The following PPP1R14C variants were observed in gnomAD, a reference collection of about 807,000 sequenced individuals.
PPP1R14C encodes the protein protein phosphatase 1 regulatory subunit 14C.
PPP1R14C carries 16 observed loss-of-function variants against 20.4 expected under a neutral mutation model. That is an observed-to-expected ratio of 0.78 (90% CI 0.53 to 1.19). PPP1R14C has a LOEUF of 1.19. Ranked by LOEUF, PPP1R14C falls within the 50% of genes most tolerant of loss-of-function variation. The pLI, the probability that PPP1R14C is intolerant of heterozygous loss-of-function variation, is 0.00. For synonymous variants in PPP1R14C, 91 were observed against 91.0 expected (o/e 1.00, Z 0.00); for missense variants, 211 against 220.1 (o/e 0.96, Z 0.26).
intron 3 of PPP1R14C, among the ~76,000 whole-genome samples, chr6:150,234,715 G>C (rs1201582658): frequency 2.0e-5 from 3 of 151,912 alleles, no homozygotes; most frequent in East Asian, 1.9e-4. Context: ...TGGGCATGGT[G>C]GTGCACACCT....
At chr6:150,192,147 C>T (rs1455014827) in intron 1 of PPP1R14C, among the ~76,000 whole-genome samples, 1 of 152,146 alleles carries the variant, frequency 6.6e-6, no homozygotes, top group African/African-American at 2.4e-5. Flanking sequence ...TTGACTTTTC[C>T]CATTCATTCT....
chr6:150,233,241 A>G (rs1241259070), intron 3 of PPP1R14C, among the ~76,000 whole-genome samples: 1 of 152,196 alleles, frequency 6.6e-6, no homozygotes, highest in Non-Finnish European at 1.5e-5. Flanking sequence ...AAGGGGAGTG[A>G]GGAGGGGCGG....
Position 150,246,180 on chromosome 6 carries a change from G to A in PPP1R14C, c.424-2566G>A, listed in dbSNP as rs530498298. Among the ~76,000 whole-genome samples the A allele has an allele frequency of 2.6e-5, 4 of 152,164 alleles. No homozygotes were observed. The South Asian group carries it at 8.3e-4, about 32-fold the overall frequency. On this transcript the variant is annotated intron_variant, in intron 3 of 3. Transcript: ENST00000361131. ...TTGTCATGAAGAGAAAGGGTCTGTAGGGTCGATTATTCCTTATGTAATTTT... is the reference window on the plus strand; with the variant it reads ...TTGTCATGAAGAGAAAGGGTCTGTAAGGTCGATTATTCCTTATGTAATTTT...
intron 3 of PPP1R14C, among the ~76,000 whole-genome samples, chr6:150,219,516 A>C (rs986942373): frequency 6.6e-6 from 1 of 152,102 alleles, no homozygotes; most frequent in Admixed American, 6.5e-5. Context: ...GTGCCCGGCC[A>C]TAACGCTTGT....
In PPP1R14C at chr6:150,143,297, C is replaced by A; in HGVS notation, c.105C>A (p.Gly35=). The A allele has an allele frequency of 1.9e-6, 3 of 1,565,418 alleles. No individual in the cohort carries two copies. The highest frequency in any genetic ancestry group is 2.6e-6 in the Non-Finnish European group (3 of 1,160,912). Residue 35 remains glycine, a synonymous_variant, in exon 1 of 4, where the codon GGC becomes GGA. Transcript: ENST00000361131. The surrounding 1 kb of genome is among the most constrained non-coding windows in gnomAD (Gnocchi z 5.6). ...SPRGGAGGSP[G]SSSGSGSSRE... ...GGGGTGGCGCCGGTGGCAGCCCCGG[C>A]TCCAGCAGCGGCTCAGGCTCCTCCC...
Position 150,191,561 on chromosome 6 carries a change from A to G in PPP1R14C, c.307-23183A>G, listed in dbSNP as rs142602902. The stretch of plus-strand genomic sequence containing the variant: ...GGCAAGGACCATAACACCTGCTCTT[A>G]GAATCTTCATTTAAGCACCATAGAT... On this transcript the variant is annotated intron_variant, in intron 1 of 3. Coordinates refer to ENST00000361131, the MANE Select transcript of PPP1R14C (RefSeq NM_030949.3). 3.6e-3 allele frequency among the ~76,000 whole-genome samples: 544 copies of G among 152,340 alleles called. 2 individuals carry two copies. Among genetic ancestry groups the G allele is most frequent in the African/African-American group, 0.012 (516 of 41,588 alleles).
chr6:150,200,262 A>G (rs927719264), intron 1 of PPP1R14C, among the ~76,000 whole-genome samples: 9 of 147,034 alleles, frequency 6.1e-5, no homozygotes, highest in East Asian at 2.0e-4. Context: ...AGGATGTACA[A>G]TGAAAAACCA....
intron 1 of PPP1R14C, among the ~76,000 whole-genome samples, chr6:150,176,657 A>G (rs1215934097): frequency 6.6e-6 from 1 of 152,312 alleles, no homozygotes; most frequent in African/African-American, 2.4e-5. Context: ...TTTTATTATC[A>G]TCCTCAAATA....
chr6:150,208,806 A>C (rs143158280), intron 1 of PPP1R14C, among the ~76,000 whole-genome samples: 1 of 152,158 alleles, frequency 6.6e-6, no homozygotes. Context: ...CTTGATGCCA[A>C]TGTGTAAACA....
At chr6:150,203,659 G>A (rs1777906087) in intron 1 of PPP1R14C, among the ~76,000 whole-genome samples, 1 of 151,662 alleles carries the variant, frequency 6.6e-6, no homozygotes, top group African/African-American at 2.4e-5. Context: ...CCTCAGTCAT[G>A]AGCAGTTGAT....
chr6:150,213,697 A>T (rs1303292707), intron 1 of PPP1R14C, among the ~76,000 whole-genome samples: 1 of 152,252 alleles, frequency 6.6e-6, no homozygotes, highest in East Asian at 1.9e-4. Flanking sequence ...GGTATAGAGA[A>T]GACTTAGGTA....
intron 1 of PPP1R14C, among the ~76,000 whole-genome samples, chr6:150,192,015 G>T (rs1022996476): frequency 2.0e-5 from 3 of 152,140 alleles, no homozygotes; most frequent in African/African-American, 7.2e-5. Flanking sequence ...CACCATTCCA[G>T]ATTCTGTTTG....
chr6:150,219,439 C>T (rs949027206), intron 3 of PPP1R14C, among the ~76,000 whole-genome samples: 3 of 152,162 alleles, frequency 2.0e-5, no homozygotes, highest in East Asian at 1.9e-4. Context: ...TGGTCTCAAA[C>T]TCCTGGCCCC....
intron 3 of PPP1R14C, among the ~76,000 whole-genome samples, chr6:150,239,543 A>G (rs550695354): frequency 6.6e-6 from 1 of 152,330 alleles, no homozygotes; most frequent in East Asian, 1.9e-4. Flanking sequence ...ATAAAAGCCC[A>G]TCATATCAAA....
At chr6:150,244,450 T>A (rs1243153749) in intron 3 of PPP1R14C, among the ~76,000 whole-genome samples, 2 of 152,232 alleles carry the variant, frequency 1.3e-5, no homozygotes, top group Non-Finnish European at 2.9e-5. Flanking sequence ...GGGTCACCTT[T>A]GACCCTATCT....
intron 1 of PPP1R14C, among the ~76,000 whole-genome samples, chr6:150,204,686 C>T (rs771672880): frequency 6.6e-6 from 1 of 152,278 alleles, no homozygotes; most frequent in Middle Eastern, 3.4e-3. Context: ...TTAGGGGATG[C>T]GTTACCCTGC....
At position 150,218,898 on chromosome 6, in the gene PPP1R14C, T is replaced by C. The variant is rs1287693564; in HGVS notation, c.423+2042T>C. Reference sequence around the variant, plus strand: ...AACTCCTGGCCTCAAGCTATCCTCCTGCTTCAGCCTCTCAAAGTGCTGGAA... The same window carrying C: ...AACTCCTGGCCTCAAGCTATCCTCCCGCTTCAGCCTCTCAAAGTGCTGGAA... On this transcript the variant is annotated intron_variant, in intron 3 of 3. Transcript: ENST00000361131. Among the ~76,000 whole-genome samples, 5 of 152,184 alleles carry C rather than the reference T, an allele frequency of 3.3e-5. No homozygotes were observed. In the East Asian group the frequency reaches 9.6e-4, roughly 29 times the overall value.
intron 3 of PPP1R14C, among the ~76,000 whole-genome samples, chr6:150,224,359 C>A (rs1278909286): frequency 6.6e-6 from 1 of 152,118 alleles, no homozygotes. Context: ...ACCTTAGAAT[C>A]AGTTTATTGA....
Position 150,143,341 on chromosome 6 carries a change from T to C in PPP1R14C, c.149T>C (p.Val50Ala). 1 of 1,604,032 alleles carries C rather than the reference T, an allele frequency of 6.2e-7. No individual in the cohort carries two copies. Among genetic ancestry groups the C allele is most frequent in the Non-Finnish European group, 8.5e-7 (1 of 1,176,518 alleles). The stretch of plus-strand genomic sequence containing the variant: ...TCCTCCCGGGAGGACTCGGCGCCCG[T>C]GGCCACGGCGGCCGCTGCAGGGCAG... ...SGSSREDSAP[V>A]ATAAAAGQVQ... is the part of the protein sequence containing the mutation. The change falls in exon 1 of 4, where the codon GTG (valine) becomes GCG (alanine). Residue 50 changes from valine (V) to alanine (A), a missense_variant. By Grantham distance (64) the Val-to-Ala change is moderately conservative. Coordinates refer to ENST00000361131, the MANE Select transcript of PPP1R14C (RefSeq NM_030949.3). This position sits in a 1 kb window ranked among gnomAD's most constrained non-coding sequence, Gnocchi z 5.6.
Sources: gnomAD v4.1 joint callset for allele counts (sites outside exome capture counted in the v4.1 genomes callset) on GRCh38, gnomAD v4.1.1 for gene constraint, Gnocchi (gnomAD v3.1) non-coding constraint, MANE v1.5 for transcripts, NCBI Gene and HGNC (gene_info 2026-07-23, HGNC 2026-07-21) for gene names.